The following SLC18A1 variants were observed in gnomAD, a reference collection of about 807,000 sequenced individuals.
The protein encoded by SLC18A1 is solute carrier family 18 member A1.
SLC18A1 carries 69 observed loss-of-function variants against 53.7 expected under a neutral mutation model. The ratio of observed to expected loss-of-function variants is 1.28; its 90% CI spans 1.06 to 1.57. SLC18A1 has a LOEUF of 1.57. Ranked by LOEUF, SLC18A1 falls within the 40% of genes most tolerant of loss-of-function variation. SLC18A1 has a pLI of 0.00. For missense variants in SLC18A1, 932 were observed against 668.1 expected (o/e 1.40, Z -4.35); for synonymous variants, 320 against 248.1 (o/e 1.29, Z -2.72).
chr8:20,147,858 C>T (rs1029419642), intron 13 of SLC18A1, 136 bp from the exon 14 acceptor site: 86 of 1,452,276 alleles, frequency 5.9e-5, no homozygotes, highest in Non-Finnish European at 7.5e-5. Context: ...GTGGGAATTA[C>T]GAGCTCATCT....
In SLC18A1 at chr8:20,179,391, A is replaced by G; in HGVS notation, c.218T>C (p.Leu73Pro). ...GATGGTGGAAAAGGCAGGAGAGGCGAGGGCATGTGGGGAACTTCCGGCATG... is the reference window on the plus strand; with the variant it reads ...GATGGTGGAAAAGGCAGGAGAGGCGGGGGCATGTGGGGAACTTCCGGCATG... ...LGHAGSSPHALASPAFSTIFS... is the reference protein window; with the variant it reads ...LGHAGSSPHAPASPAFSTIFS... Residue 73 changes from leucine (L) to proline (P), a missense_variant, in exon 3 of 16, where the codon CTC becomes CCC. By Grantham distance (98) the Leu-to-Pro change is moderately conservative (BLOSUM62 -3). Coordinates refer to ENST00000276373, the MANE Select transcript of SLC18A1 (RefSeq NM_003053.4). 1 of 1,614,060 alleles carries G rather than the reference A, an allele frequency of 6.2e-7. No individual in the cohort carries two copies. The highest frequency in any genetic ancestry group is 8.5e-7 in the Non-Finnish European group (1 of 1,179,998).
intron 7 of SLC18A1, 21 bp downstream of exon 7, chr8:20,171,384 G>C: frequency 6.2e-7 from 1 of 1,601,674 alleles, no homozygotes; most frequent in East Asian, 2.2e-5. Context: ...TCACCTGCTG[G>C]AGGCTCTGAT....
intron 1 of SLC18A1, among the ~76,000 whole-genome samples, 175 bp downstream of exon 1, chr8:20,182,888 A>G (rs1360212600): frequency 6.6e-6 from 1 of 152,222 alleles, no homozygotes; most frequent in Non-Finnish European, 1.5e-5. Context: ...TAGTGAGTGA[A>G]GTAAGTACTA....
At chr8:20,179,550 G>C in intron 2 of SLC18A1, 66 bp from the exon 3 acceptor site, 1 of 1,541,338 alleles carries the variant, frequency 6.5e-7, no homozygotes, top group Non-Finnish European at 8.8e-7. Flanking sequence ...TGAAACTCAA[G>C]GGGCTAAGGA....
At chr8:20,167,556 GCAGGGAAA>G (rs1418953702) in intron 8 of SLC18A1, among the ~76,000 whole-genome samples, 1 of 152,086 alleles carries the variant, frequency 6.6e-6, no homozygotes, top group Non-Finnish European at 1.5e-5. Flanking sequence ...CATCAAGATG[GCAGGGAAA>G]CAAGGTGACC....
chr8:20,153,609 C>T lies in SLC18A1; in HGVS notation c.1016-2865G>A, dbSNP rs574986410. ...AGGAGAATGGCATGAACCTGAGAGG[C>T]GGAGCTTGCAGTGAGCCACTGCACT... is the stretch of plus-strand genomic sequence containing the variant. On this transcript the variant is annotated intron_variant, in intron 10 of 15. Transcript: ENST00000276373. Among the ~76,000 whole-genome samples, 384 of 151,258 alleles carry T rather than the reference C, an allele frequency of 2.5e-3. 2 individuals carry two copies. The highest frequency in any genetic ancestry group is 7.6e-3 in the African/African-American group (313 of 41,148).
At position 20,148,035 on chromosome 8, in the gene SLC18A1, G is replaced by C. The variant is rs772765643; in HGVS notation, c.1182C>G (p.Gly394=). The C allele has an allele frequency of 3.8e-5, 61 of 1,614,098 alleles. No homozygotes were observed. Among genetic ancestry groups the C allele is most frequent in the Middle Eastern group, 1.7e-4 (1 of 6,036 alleles). The change falls in exon 13 of 16, where the codon GGC becomes GGG. Residue 394 remains glycine (G), a synonymous_variant. Coordinates refer to ENST00000276373, the MANE Select transcript of SLC18A1 (RefSeq NM_003053.4). ...PLAHNIFGLI[G]PNAGLGLAIG... The stretch of plus-strand genomic sequence containing the variant: ...TGGCAAGGCCAAGCCCTGCATTGGG[G>C]CCAATGAGACCAAAAATATTGTGAG...
chr8:20,155,004 T>C lies in SLC18A1; in HGVS notation c.1016-4260A>G, dbSNP rs1331133239. Among the ~76,000 whole-genome samples, 5 of 152,312 alleles carry C rather than the reference T, an allele frequency of 3.3e-5. 1 individual carries two copies. The East Asian group carries it at 7.7e-4, about 24-fold the overall frequency. ...CACACCTAAGTGCCCAGGTTCATCCTAATCCAGCTGAACACTAGTCACTGC... is the reference window on the plus strand; with the variant it reads ...CACACCTAAGTGCCCAGGTTCATCCCAATCCAGCTGAACACTAGTCACTGC... On this transcript the variant is annotated intron_variant, in intron 10 of 15. Coordinates refer to ENST00000276373, the MANE Select transcript of SLC18A1 (RefSeq NM_003053.4).
chr8:20,154,562 C>T (rs1033149374), intron 10 of SLC18A1, among the ~76,000 whole-genome samples: 22 of 152,160 alleles, frequency 1.4e-4, no homozygotes, highest in African/African-American at 5.3e-4. Context: ...CATGAACTTC[C>T]ATCTAGATGT....
In SLC18A1 at chr8:20,153,403, C is replaced by T. The variant is rs141178631; in HGVS notation, c.1016-2659G>A. On this transcript the variant is annotated intron_variant, in intron 10 of 15. Coordinates refer to ENST00000276373, the MANE Select transcript of SLC18A1 (RefSeq NM_003053.4). ...AAGAAAGAAGTGAGGACAGGCTGGG[C>T]GCTGTGGCTCACGCCTGTAATCCCA... is the stretch of plus-strand genomic sequence containing the variant. Among the ~76,000 whole-genome samples, 862 of 151,994 alleles carry T rather than the reference C, an allele frequency of 5.7e-3. 6 individuals are homozygous for T. Among genetic ancestry groups the T allele is most frequent in the African/African-American group, 0.019 (800 of 41,460 alleles).
At chr8:20,158,687 C>A (rs150722933) in intron 10 of SLC18A1, among the ~76,000 whole-genome samples, 1 of 152,072 alleles carries the variant, frequency 6.6e-6, no homozygotes, top group African/African-American at 2.4e-5. Context: ...AGAAACCCAA[C>A]GGACAGTGGA....
chr8:20,173,042 A>C lies in SLC18A1; in HGVS notation c.718T>G (p.Leu240Val), dbSNP rs2072163261. 6.3e-7 allele frequency: 1 copy of C among 1,586,396 alleles called. No homozygotes were observed. ...TCCAGCTGGTGCCACTTACCCAGCA[A>C]CCCCAAGGCCAGGCCCCCCAGAGCA... ...GTALGGLALG[L>V]LVGAPFGSVM... Residue 240 changes from leucine (L) to valine (V), a missense_variant, in exon 6 of 16, where the codon TTG (leucine) becomes GTG (valine). By Grantham distance (32) the Leu-to-Val change is conservative. Coordinates refer to ENST00000276373, the MANE Select transcript of SLC18A1 (RefSeq NM_003053.4).
rs2072110313 is a variant in SLC18A1, at chr8:20,171,326, T to G, written c.814+79A>C. ...ACATGTCCAAACCGCCCATTCTTAG[T>G]GAAGACTGACACTACAACATAATGC... On this transcript the variant is annotated intron_variant, in intron 7 of 15. Coordinates refer to ENST00000276373, the MANE Select transcript of SLC18A1 (RefSeq NM_003053.4). 4.4e-6 allele frequency: 6 copies of G among 1,367,082 alleles called. No homozygotes were observed. The East Asian group carries it at 1.4e-4, about 31-fold the overall frequency. 84.7% of individuals were successfully genotyped at this position (1,367,082 alleles called of 1,614,324 possible).
chr8:20,156,472 C>T (rs944973080), intron 10 of SLC18A1, among the ~76,000 whole-genome samples: 6 of 152,128 alleles, frequency 3.9e-5, no homozygotes, highest in Non-Finnish European at 7.3e-5. Flanking sequence ...TGGTTCCTCC[C>T]GGGTGACTGA....
chr8:20,178,030 G>A (rs1217943453), intron 4 of SLC18A1, among the ~76,000 whole-genome samples: 1 of 151,660 alleles, frequency 6.6e-6, no homozygotes, highest in Non-Finnish European at 1.5e-5. Flanking sequence ...TTTGTGAGTT[G>A]CCCTTTTCCA....
chr8:20,159,633 C>CA (rs2071767800), intron 10 of SLC18A1, among the ~76,000 whole-genome samples: 2 of 16,856 alleles, frequency 1.2e-4, no homozygotes, highest in Non-Finnish European at 3.1e-4. Context: ...CTTGCAGCTG[C>CA]CAAAAAAAAA....
At chr8:20,148,454 G>A (rs1434271911) in intron 12 of SLC18A1, 1 of 1,290,838 alleles carries the variant, frequency 7.7e-7, no homozygotes, top group Non-Finnish European at 1.0e-6. Context: ...ATGGAATAAA[G>A]TTGCCTCTGT....
chr8:20,179,742 G>C (rs947540244), intron 2 of SLC18A1, among the ~76,000 whole-genome samples: 2 of 152,208 alleles, frequency 1.3e-5, no homozygotes, highest in African/African-American at 4.8e-5. Flanking sequence ...TATCCTATTA[G>C]CTAAAGTAGC....
intron 10 of SLC18A1, among the ~76,000 whole-genome samples, chr8:20,163,596 T>G (rs1236109523): frequency 1.3e-5 from 2 of 152,182 alleles, no homozygotes; most frequent in African/African-American, 4.8e-5. Flanking sequence ...GCTCTTCATG[T>G]ACAGCAGCGA....
Sources: gnomAD v4.1 joint callset for allele counts (sites outside exome capture counted in the v4.1 genomes callset) on GRCh38, gnomAD v4.1.1 for gene constraint, MANE v1.5 for transcripts, NCBI Gene and HGNC (gene_info 2026-07-23, HGNC 2026-07-21) for gene names.